ZFAND3: variants seen among roughly 807,000 people sequenced by gnomAD.
ZFAND3 encodes the protein zinc finger AN1-type containing 3.
ZFAND3 carries 10 observed loss-of-function variants against 29.6 expected under a neutral mutation model. The ratio of observed to expected loss-of-function variants is 0.34; its 90% CI spans 0.21 to 0.57. The LOEUF (loss-of-function observed/expected upper bound fraction) is 0.57, where lower values mean the gene tolerates loss of function less well. Ranked by LOEUF, ZFAND3 falls within the 20% of genes least tolerant of loss-of-function variation. ZFAND3 has a pLI of 0.86. For missense variants in ZFAND3, 230 were observed against 304.5 expected (o/e 0.76, Z 1.82); for synonymous variants, 128 against 112.6 (o/e 1.14, Z -0.87).
At position 37,860,113 on chromosome 6, in the gene ZFAND3, C is replaced by T. The variant is rs551596880; in HGVS notation, c.71+40097C>T. Among the ~76,000 whole-genome samples, 16 of 150,088 alleles carry T rather than the reference C, an allele frequency of 1.1e-4. 1 individual carries two copies. In the South Asian group the frequency reaches 2.8e-3, roughly 26 times the overall value. On this transcript the variant is annotated intron_variant, in intron 1 of 5. Transcript: ENST00000287218. ...CTCGAACTCCTGACCTCAGGTGATC[C>T]ACCCGCCTCGGCCTCCCAAAGTGCT... is the stretch of plus-strand genomic sequence containing the variant.
intron 1 of ZFAND3, among the ~76,000 whole-genome samples, chr6:37,826,112 C>A (rs187922755): frequency 7.9e-4 from 120 of 152,152 alleles, no homozygotes; most frequent in African/African-American, 2.7e-3. Flanking sequence ...AAAAGAAATT[C>A]TTTTCTGTTT....
chr6:37,896,946 G>T, intron 1 of ZFAND3, among the ~76,000 whole-genome samples: 1 of 151,320 alleles, frequency 6.6e-6, no homozygotes, highest in Non-Finnish European at 1.5e-5. Flanking sequence ...TATTCTTTTT[G>T]GTTTTGGTAA....
At chr6:37,827,822 A>G (rs2127366223) in intron 1 of ZFAND3, among the ~76,000 whole-genome samples, 1 of 152,376 alleles carries the variant, frequency 6.6e-6, no homozygotes, top group Admixed American at 6.5e-5. Flanking sequence ...TTATTAGGGC[A>G]GAAGAATGTC....
At chr6:37,906,102 G>T (rs1391425610) in intron 1 of ZFAND3, among the ~76,000 whole-genome samples, 1 of 152,022 alleles carries the variant, frequency 6.6e-6, no homozygotes, top group Non-Finnish European at 1.5e-5. Context: ...TCATTCAGTG[G>T]TGTTTAGTAC....
intron 2 of ZFAND3, among the ~76,000 whole-genome samples, chr6:38,013,074 A>G (rs1456032037): frequency 6.6e-6 from 1 of 152,208 alleles, no homozygotes; most frequent in African/African-American, 2.4e-5. Context: ...TCTAAGTCAG[A>G]GAAACAGAAA....
At chr6:37,975,551 T>C (rs1762463338) in intron 2 of ZFAND3, among the ~76,000 whole-genome samples, 1 of 152,202 alleles carries the variant, frequency 6.6e-6, no homozygotes, top group Non-Finnish European at 1.5e-5. Context: ...TTTCAGGGTT[T>C]ATATTTATAC....
At chr6:37,965,111 T>C (rs1762266757) in intron 2 of ZFAND3, among the ~76,000 whole-genome samples, 1 of 152,230 alleles carries the variant, frequency 6.6e-6, no homozygotes, top group Non-Finnish European at 1.5e-5. Flanking sequence ...ACAATAAAAA[T>C]AACTTGATTT....
intron 1 of ZFAND3, among the ~76,000 whole-genome samples, chr6:37,913,478 C>T (rs1218737743): frequency 6.6e-6 from 1 of 152,122 alleles, no homozygotes; most frequent in Non-Finnish European, 1.5e-5. Context: ...GATTCTAGTT[C>T]TCTTGCTGTT....
At chr6:37,949,417 TG>T (rs71542152) in intron 2 of ZFAND3, among the ~76,000 whole-genome samples, 15,044 of 151,966 alleles carry the variant, frequency 0.099, 1,021 homozygotes, top group East Asian at 0.32. Flanking sequence ...CAAATGTGTG[TG>T]GGGGGGTCTC....
chr6:37,853,484 A>C (rs192306378), intron 1 of ZFAND3, among the ~76,000 whole-genome samples: 1 of 151,734 alleles, frequency 6.6e-6, no homozygotes, highest in South Asian at 2.1e-4. Flanking sequence ...GGATTTCAGA[A>C]TCTGGACCAG....
chr6:37,896,952 G>A (rs1260106933), intron 1 of ZFAND3, among the ~76,000 whole-genome samples: 4 of 151,372 alleles, frequency 2.6e-5, no homozygotes, highest in Admixed American at 2.6e-4. Flanking sequence ...TTTTGGTTTT[G>A]GTAAGTTTTT....
chr6:37,942,194 C>T (rs1761822828), intron 2 of ZFAND3, among the ~76,000 whole-genome samples: 1 of 151,896 alleles, frequency 6.6e-6, no homozygotes, highest in African/African-American at 2.4e-5. Context: ...GGTGCTGATA[C>T]TCATTTGGGA....
chr6:37,914,945 T>G (rs1468665245), intron 1 of ZFAND3, among the ~76,000 whole-genome samples: 6 of 152,176 alleles, frequency 3.9e-5, no homozygotes, highest in Non-Finnish European at 8.8e-5. Context: ...CATTGACTTA[T>G]CCTTTCTAAC....
intron 4 of ZFAND3, among the ~76,000 whole-genome samples, chr6:38,090,893 A>T (rs933134122): frequency 3.3e-5 from 5 of 152,202 alleles, no homozygotes; most frequent in Non-Finnish European, 5.9e-5. Context: ...CTGTTTTGTA[A>T]TTGGAGCCCT....
chr6:38,054,047 T>G lies in ZFAND3; in HGVS notation c.113-7546T>G, dbSNP rs114851225. On this transcript the variant is annotated intron_variant, in intron 2 of 5. Coordinates refer to ENST00000287218, the MANE Select transcript of ZFAND3 (RefSeq NM_021943.3). ...TCATTAGGATATATACAGGTAGAGGTGTGTGTGTGTATATTGTATGTATAT... is the reference window on the plus strand; with the variant it reads ...TCATTAGGATATATACAGGTAGAGGGGTGTGTGTGTATATTGTATGTATAT... 9.1e-3 allele frequency among the ~76,000 whole-genome samples: 1,359 copies of G among 149,238 alleles called. 19 individuals are homozygous for G. The highest frequency in any genetic ancestry group is 0.031 in the African/African-American group (1,263 of 40,632).
chr6:38,002,622 G>C (rs544635549), intron 2 of ZFAND3, among the ~76,000 whole-genome samples: 1 of 151,990 alleles, frequency 6.6e-6, no homozygotes, highest in African/African-American at 2.4e-5. Flanking sequence ...GGTTGCAATT[G>C]CCACTGCACT....
In ZFAND3 at chr6:37,859,181, A is replaced by G. The variant is rs143334263; in HGVS notation, c.71+39165A>G. On this transcript the variant is annotated intron_variant, in intron 1 of 5. Coordinates refer to ENST00000287218, the MANE Select transcript of ZFAND3 (RefSeq NM_021943.3). The stretch of plus-strand genomic sequence containing the variant: ...AATAAGACAACCTCTCTTTATTTCA[A>G]TTCCATTACCTGCTTTACAGGATTG... 1.4e-4 allele frequency among the ~76,000 whole-genome samples: 22 copies of G among 152,322 alleles called. No homozygotes were observed. The East Asian group carries it at 3.5e-3, about 24-fold the overall frequency.
At chr6:38,089,071 C>CT (rs538191649) in intron 4 of ZFAND3, among the ~76,000 whole-genome samples, 105 of 152,138 alleles carry the variant, frequency 6.9e-4, no homozygotes, top group Non-Finnish European at 1.3e-3. Context: ...TCATTGTTCT[C>CT]TTTTTTCCCC....
intron 5 of ZFAND3, among the ~76,000 whole-genome samples, chr6:38,130,223 G>A (rs1312808117): frequency 6.6e-6 from 1 of 152,176 alleles, no homozygotes; most frequent in Non-Finnish European, 1.5e-5. Context: ...AGTCTTTAGA[G>A]TTTTCTAGGT....
Sources: gnomAD v4.1 joint callset for allele counts (sites outside exome capture counted in the v4.1 genomes callset) on GRCh38, gnomAD v4.1.1 for gene constraint, MANE v1.5 for transcripts, NCBI Gene and HGNC (gene_info 2026-07-23, HGNC 2026-07-21) for gene names.